Variants in TLE4 observed in about 807,000 individuals in gnomAD.
TLE4 encodes TLE family member 4, transcriptional corepressor, also known as transducin-like enhancer protein 4.
In TLE4, 8 loss-of-function variants were observed where a neutral mutation model predicts 92.8. That is an observed-to-expected ratio of 0.09 (90% CI 0.05 to 0.16). TLE4 has a LOEUF of 0.16. TLE4 is among the 10% of genes least tolerant of loss of function. The pLI, the probability that TLE4 is intolerant of heterozygous loss-of-function variation, is 1.00. For missense variants in TLE4, 675 were observed against 997.6 expected (o/e 0.68, Z 4.36); for synonymous variants, 371 against 374.1 (o/e 0.99, Z 0.10).
At chr9:79,641,971 AGG>A (rs1023180496) in intron 6 of TLE4, among the ~76,000 whole-genome samples, 8 of 152,114 alleles carry the variant, frequency 5.3e-5, no homozygotes, top group Non-Finnish European at 1.0e-4. Context: ...TAATTAAAAA[AGG>A]GTATAGAAGA....
Position 79,725,240 on chromosome 9 carries a change from A to T in TLE4, c.*96A>T, listed in dbSNP as rs181075655. On this transcript the variant is annotated 3_prime_UTR_variant, in exon 20 of 20. Coordinates refer to ENST00000376552, the MANE Select transcript of TLE4 (RefSeq NM_007005.6). The stretch of plus-strand genomic sequence containing the variant: ...CCCATCCCCGCATCTAAAACCAAGG[A>T]TTTCAGATACTCATTGCAGTTGTGG... 6.9e-4 allele frequency: 544 copies of T among 792,208 alleles called. 2 individuals carry two copies. The highest frequency in any genetic ancestry group is 1.0e-3 in the Non-Finnish European group (480 of 476,224). 49.1% of individuals were successfully genotyped at this position (792,208 alleles called of 1,614,324 possible).
At chr9:79,682,859 A>G (rs2065011406) in intron 8 of TLE4, among the ~76,000 whole-genome samples, 1 of 152,220 alleles carries the variant, frequency 6.6e-6, no homozygotes, top group South Asian at 2.1e-4. Flanking sequence ...TAAGAAGAGA[A>G]TGCCAGAAAC....
At chr9:79,716,304 G>T (rs983593472) in intron 14 of TLE4, among the ~76,000 whole-genome samples, 3 of 152,050 alleles carry the variant, frequency 2.0e-5, no homozygotes, top group Non-Finnish European at 4.4e-5. Flanking sequence ...TTACTTATTT[G>T]TAAGGCCTGT....
In TLE4 at chr9:79,652,802, ACT is replaced by A. The variant is rs2059224652; in HGVS notation, c.592+13_592+14del. On this transcript the variant is annotated intron_variant, in intron 7 of 19. Transcript: ENST00000376552. ...ACAATGATCACCAAAGAGGTGAGTA[ACT>A]CTCTTGGAATGCCAATCTGAGATGA... 3 of 1,613,556 alleles carry A rather than the reference ACT, an allele frequency of 1.9e-6. No homozygotes were observed. Among genetic ancestry groups the A allele is most frequent in the East Asian group, 2.2e-5 (1 of 44,864 alleles).
intron 4 of TLE4, among the ~76,000 whole-genome samples, chr9:79,606,518 C>T (rs900042422): frequency 2.6e-5 from 4 of 151,694 alleles, no homozygotes; most frequent in Admixed American, 6.6e-5. Flanking sequence ...TAATGCTATC[C>T]CTCCCCCAGT....
intron 8 of TLE4, among the ~76,000 whole-genome samples, chr9:79,663,899 T>A (rs536136592): frequency 6.6e-6 from 1 of 152,320 alleles, no homozygotes. Context: ...AAAGCCACAC[T>A]ATTATTATGC....
At chr9:79,708,001 A>G (rs1279342767) in intron 11 of TLE4, 117 bp from the exon 12 acceptor site, 2 of 1,091,040 alleles carry the variant, frequency 1.8e-6, no homozygotes, top group South Asian at 1.7e-5. Context: ...TCAAGGCCCA[A>G]GCTGAAGAAC....
At chr9:79,681,832 AT>A (rs2064712783) in intron 8 of TLE4, among the ~76,000 whole-genome samples, 1 of 141,606 alleles carries the variant, frequency 7.1e-6, no homozygotes, top group Admixed American at 7.1e-5. Context: ...GAGTGTGTGC[AT>A]GTGTGTGTGT....
chr9:79,628,326 G>C lies in TLE4; in HGVS notation c.390+878G>C, dbSNP rs1212773674. On this transcript the variant is annotated intron_variant, in intron 6 of 19. Transcript: ENST00000376552. ...ATACACAAAAGTCTTTTTTTTTTCT[G>C]TCAGTGTATCAAACACACTTTGAAA... Among the ~76,000 whole-genome samples, 7 of 148,898 alleles carry C rather than the reference G, an allele frequency of 4.7e-5. No individual in the cohort carries two copies. The South Asian group carries it at 1.5e-3, about 31-fold the overall frequency.
At chr9:79,679,840 G>T (rs1413636904) in intron 8 of TLE4, among the ~76,000 whole-genome samples, 12 of 152,066 alleles carry the variant, frequency 7.9e-5, no homozygotes, top group East Asian at 1.9e-4. Flanking sequence ...CATATGGCTA[G>T]CCAGTTTTCC....
At chr9:79,649,188 G>A (rs1238474776) in intron 6 of TLE4, among the ~76,000 whole-genome samples, 1 of 151,896 alleles carries the variant, frequency 6.6e-6, no homozygotes, top group Non-Finnish European at 1.5e-5. Flanking sequence ...GTAGAGGAGG[G>A]GCTTGTTGAA....
chr9:79,625,112 C>T (rs1387775338), intron 5 of TLE4, among the ~76,000 whole-genome samples: 12 of 146,878 alleles, frequency 8.2e-5, no homozygotes, highest in African/African-American at 2.8e-4. Flanking sequence ...CTCCGCCTCC[C>T]GGGTTCACGC....
chr9:79,670,079 T>A (rs1015168128), intron 8 of TLE4, among the ~76,000 whole-genome samples: 1 of 152,096 alleles, frequency 6.6e-6, no homozygotes, highest in African/African-American at 2.4e-5. Flanking sequence ...AGTTGGTAGT[T>A]CTTCCAGGGT....
chr9:79,641,766 G>T (rs1234053828), intron 6 of TLE4, among the ~76,000 whole-genome samples: 1 of 152,130 alleles, frequency 6.6e-6, no homozygotes, highest in East Asian at 1.9e-4. Flanking sequence ...TGGGCAGCAG[G>T]TACATCACTG....
chr9:79,688,928 T>C (rs771172696), intron 8 of TLE4, among the ~76,000 whole-genome samples: 1 of 152,068 alleles, frequency 6.6e-6, no homozygotes, highest in Non-Finnish European at 1.5e-5. Flanking sequence ...CCCCAAGCTA[T>C]AAGCCAGCAT....
At chr9:79,707,232 G>A in intron 11 of TLE4, 1 of 1,606,356 alleles carries the variant, frequency 6.2e-7, no homozygotes, top group Non-Finnish European at 8.5e-7. Context: ...AATTTAGTTT[G>A]GGGCTTGAAT....
chr9:79,640,966 T>A (rs2057014106), intron 6 of TLE4, among the ~76,000 whole-genome samples: 1 of 152,040 alleles, frequency 6.6e-6, no homozygotes, highest in Non-Finnish European at 1.5e-5. Context: ...CTTGTATATG[T>A]CAGAATGGAC....
intron 6 of TLE4, among the ~76,000 whole-genome samples, chr9:79,644,670 T>C (rs1424497070): frequency 2.0e-5 from 3 of 152,178 alleles, no homozygotes; most frequent in Non-Finnish European, 4.4e-5. Flanking sequence ...CCATAGTAAA[T>C]AGTGTCTTCA....
intron 5 of TLE4, among the ~76,000 whole-genome samples, chr9:79,625,460 T>G (rs1280571010): frequency 6.6e-6 from 1 of 152,200 alleles, no homozygotes; most frequent in African/African-American, 2.4e-5. Context: ...AGAAGAAACA[T>G]GTTTGTTGTA....
Sources: gnomAD v4.1 joint callset for allele counts (sites outside exome capture counted in the v4.1 genomes callset) on GRCh38, gnomAD v4.1.1 for gene constraint, MANE v1.5 for transcripts, NCBI Gene and HGNC (gene_info 2026-07-23, HGNC 2026-07-21) for gene names.